The following ANKS1B variants were observed in gnomAD, a reference collection of about 807,000 sequenced individuals.
The protein encoded by ANKS1B is ankyrin repeat and sterile alpha motif domain containing 1B.
ANKS1B carries 36 observed loss-of-function variants against 148.3 expected under a neutral mutation model. The observed-to-expected ratio is 0.24, with a 90% CI of 0.19 to 0.32. The LOEUF is 0.32. Ranked by LOEUF, ANKS1B falls within the 10% of genes least tolerant of loss-of-function variation. ANKS1B has a pLI of 1.00. For missense variants in ANKS1B, 1,157 were observed against 1,542.6 expected (o/e 0.75, Z 4.19); for synonymous variants, 542 against 560.8 (o/e 0.97, Z 0.47).
At chr12:99,196,436 C>T (rs1481000059) in intron 14 of ANKS1B, among the ~76,000 whole-genome samples, 2 of 152,064 alleles carry the variant, frequency 1.3e-5, no homozygotes, top group African/African-American at 2.4e-5. Flanking sequence ...TCAGCTGTCA[C>T]CTGGAAGACT....
chr12:99,545,697 A>C (rs1283896526), intron 9 of ANKS1B, among the ~76,000 whole-genome samples: 1 of 151,364 alleles, frequency 6.6e-6, no homozygotes, highest in Non-Finnish European at 1.5e-5. Flanking sequence ...TTATCATCAT[A>C]AGATCAACAA....
At chr12:98,810,131 C>T (rs1307297774) in intron 19 of ANKS1B, among the ~76,000 whole-genome samples, 1 of 152,142 alleles carries the variant, frequency 6.6e-6, no homozygotes, top group Non-Finnish European at 1.5e-5. Flanking sequence ...GACCCTTAGC[C>T]CCTGCTCCAC....
At chr12:98,952,201 A>G (rs939111517) in intron 17 of ANKS1B, among the ~76,000 whole-genome samples, 4 of 152,280 alleles carry the variant, frequency 2.6e-5, no homozygotes, top group African/African-American at 9.6e-5. Flanking sequence ...CATCTTTGTG[A>G]GACTTGTAGT....
In ANKS1B at chr12:99,612,048, A is replaced by G. The variant is rs1313048401; in HGVS notation, c.1272+43019T>C. On this transcript the variant is annotated intron_variant, in intron 9 of 26. Coordinates refer to ENST00000683438, the MANE Select transcript of ANKS1B (RefSeq NM_001352186.2). ...CAATATTCACTTAAATATGATGATT[A>G]GAGCAAAATTGTCAGTTAAAAAATA... is the stretch of plus-strand genomic sequence containing the variant. Among the ~76,000 whole-genome samples the G allele has an allele frequency of 2.6e-5, 4 of 152,188 alleles. No individual in the cohort carries two copies. The East Asian group carries it at 7.7e-4, about 29-fold the overall frequency.
intron 14 of ANKS1B, among the ~76,000 whole-genome samples, chr12:99,165,910 T>C (rs1460192910): frequency 6.6e-6 from 1 of 151,808 alleles, no homozygotes; most frequent in Non-Finnish European, 1.5e-5. Context: ...TATCCAACAA[T>C]ATATACAGGA....
intron 22 of ANKS1B, chr12:98,794,968 TA>T: frequency 9.1e-7 from 1 of 1,097,646 alleles, no homozygotes. Context: ...AGATGCTTCT[TA>T]AAAATCTCTG....
At chr12:99,226,666 A>G (rs1352263355) in intron 14 of ANKS1B, among the ~76,000 whole-genome samples, 3 of 152,194 alleles carry the variant, frequency 2.0e-5, no homozygotes, top group Non-Finnish European at 4.4e-5. Context: ...GAGAGATAAA[A>G]CCGTGGAAAT....
chr12:99,784,157 T>C (rs74479625), intron 4 of ANKS1B, among the ~76,000 whole-genome samples: 1,799 of 149,544 alleles, frequency 0.012, 40 homozygotes, highest in African/African-American at 0.041. Flanking sequence ...GCTCCAGGCA[T>C]ACTGAACTTT....
At chr12:99,502,068 T>C (rs2096661053) in intron 10 of ANKS1B, among the ~76,000 whole-genome samples, 1 of 152,202 alleles carries the variant, frequency 6.6e-6, no homozygotes, top group African/African-American at 2.4e-5. Flanking sequence ...TGCCCCAGCA[T>C]GCATAAGAAC....
chr12:98,794,760 C>A, intron 22 of ANKS1B: 1 of 1,138,662 alleles, frequency 8.8e-7, no homozygotes, highest in Non-Finnish European at 1.3e-6. Context: ...ACTACTGATG[C>A]AATGAAGAGA....
rs763064838 is a variant in ANKS1B at position 98,782,137 on chromosome 12, C to T, written c.3343G>A (p.Ala1115Thr). ...STQDACAKMR[A>T]NCQKSTEQMK... Reference sequence around the variant, plus strand: ...CAAGAAGAACCTACCTGACAGTTAGCCTGGTGGATTTTCCAGTTAAGACAG... The same window carrying T: ...CAAGAAGAACCTACCTGACAGTTAGTCTGGTGGATTTTCCAGTTAAGACAG... Residue 1115 changes from alanine to threonine, a missense_variant and splice_region_variant, in exon 23 of 27, where the codon GCT becomes ACT. This residue lies in a region of ANKS1B where 258 missense variants were observed against 497.0 expected (regional missense o/e 0.52). Transcript: ENST00000683438. 1.9e-6 allele frequency: 3 copies of T among 1,599,608 alleles called. No individual in the cohort carries two copies. Among genetic ancestry groups the T allele is most frequent in the Non-Finnish European group, 2.6e-6 (3 of 1,172,482 alleles).
At chr12:99,632,587 A>T (rs1249616766) in intron 9 of ANKS1B, among the ~76,000 whole-genome samples, 1 of 151,282 alleles carries the variant, frequency 6.6e-6, no homozygotes, top group African/African-American at 2.4e-5. Context: ...CTTAACCCCC[A>T]CATCAGTTTG....
At chr12:99,166,170 T>C (rs1004054651) in intron 14 of ANKS1B, among the ~76,000 whole-genome samples, 8 of 151,544 alleles carry the variant, frequency 5.3e-5, no homozygotes, top group Middle Eastern at 3.4e-3. Context: ...CCATACTAGA[T>C]TGTGAAAGAC....
chr12:99,116,426 T>C (rs2061435667), intron 15 of ANKS1B, among the ~76,000 whole-genome samples: 2 of 152,180 alleles, frequency 1.3e-5, no homozygotes, highest in Non-Finnish European at 1.5e-5. Context: ...TTTTACATCA[T>C]AGGATTGTGG....
chr12:99,785,230 C>G (rs1162222697), intron 4 of ANKS1B, among the ~76,000 whole-genome samples: 1 of 145,590 alleles, frequency 6.9e-6, no homozygotes, highest in Admixed American at 6.9e-5. Flanking sequence ...TTCTTCTTCT[C>G]TCAAGAATCT....
intron 22 of ANKS1B, among the ~76,000 whole-genome samples, chr12:98,783,689 A>T (rs1049797418): frequency 1.3e-5 from 2 of 152,186 alleles, no homozygotes; most frequent in African/African-American, 4.8e-5. Context: ...ACATGCACAG[A>T]GGCCTAGAAA....
At chr12:99,705,047 A>G (rs2055509308) in intron 8 of ANKS1B, among the ~76,000 whole-genome samples, 1 of 152,106 alleles carries the variant, frequency 6.6e-6, no homozygotes, top group African/African-American at 2.4e-5. Context: ...AAAACTAAAA[A>G]TCAACCTGGT....
chr12:99,906,942 A>G (rs1474231310), intron 1 of ANKS1B, among the ~76,000 whole-genome samples: 2 of 152,244 alleles, frequency 1.3e-5, no homozygotes, highest in Non-Finnish European at 2.9e-5. Flanking sequence ...GCCATATTAT[A>G]ACAAAGATAC....
intron 1 of ANKS1B, among the ~76,000 whole-genome samples, chr12:99,931,762 A>C (rs573364669): frequency 6.6e-6 from 1 of 152,142 alleles, no homozygotes; most frequent in Admixed American, 6.5e-5. Context: ...TCAAGCATTT[A>C]TTTCTTTGTG....
Sources: allele counts gnomAD v4.1 joint callset (sites outside exome capture counted in the v4.1 genomes callset), GRCh38; gene constraint gnomAD v4.1.1; regional missense constraint gnomAD v4.1.1; transcripts MANE v1.5; gene names NCBI Gene and HGNC (gene_info 2026-07-23, HGNC 2026-07-21).